RANBP2: variants seen among roughly 807,000 people sequenced by gnomAD.
RANBP2 encodes E3 SUMO-protein ligase RanBP2.
A neutral mutation model predicts 303.6 loss-of-function variants in RANBP2; 57 were observed. That is an observed-to-expected ratio of 0.19 (90% CI 0.15 to 0.23). The LOEUF (loss-of-function observed/expected upper bound fraction) is 0.23. Ranked by LOEUF, RANBP2 falls within the 10% of genes least tolerant of loss-of-function variation. The probability of loss-of-function intolerance (pLI) is 1.00; values close to 1 mark genes in which losing one functional copy is unlikely to be tolerated. For missense variants in RANBP2, 3,138 were observed against 3,780.8 expected, an observed-to-expected ratio of 0.83 and a Z score of 4.46; for synonymous variants, 1,167 against 1,301.5, an observed-to-expected ratio of 0.90 and a Z score of 2.23.
the RANBP2 span, among the ~76,000 whole-genome samples, chr2:109,392,685 A>AT: frequency 1.6e-3 from 238 of 149,292 alleles, 5 homozygotes; most frequent in South Asian, 0.042. Flanking sequence ...CGCCCGGCTA[A>AT]TTTTTTTTTT....
chr2:109,419,427 C>G, the RANBP2 span: 6 of 1,150,016 alleles, frequency 5.2e-6, no homozygotes, highest in Admixed American at 1.3e-4. Context: ...GCCAAACAGC[C>G]AGGCAGCTGG....
At chr2:109,333,461 G>A in the RANBP2 span, among the ~76,000 whole-genome samples, 1 of 152,206 alleles carries the variant, frequency 6.6e-6, no homozygotes. Flanking sequence ...CTGGACTTGA[G>A]ATCACATTTC....
chr2:109,330,564 T>C, the RANBP2 span, among the ~76,000 whole-genome samples: 1 of 152,144 alleles, frequency 6.6e-6, no homozygotes, highest in East Asian at 1.9e-4. Flanking sequence ...ACAGACAAGA[T>C]AGTCACTGTT....
the RANBP2 span, among the ~76,000 whole-genome samples, chr2:109,164,523 C>T: frequency 6.6e-6 from 1 of 152,182 alleles, no homozygotes; most frequent in East Asian, 1.9e-4. Flanking sequence ...TCGGCCAAGC[C>T]TGGCTGTTTC....
At chr2:109,026,502 C>G in the RANBP2 span, among the ~76,000 whole-genome samples, 161 of 152,136 alleles carry the variant, frequency 1.1e-3, 1 homozygote, top group African/African-American at 3.8e-3. Flanking sequence ...CCCTTGGGCC[C>G]CTCTTCCCTC....
chr2:109,686,054 C>A, the RANBP2 span, among the ~76,000 whole-genome samples: 1 of 152,142 alleles, frequency 6.6e-6, no homozygotes, highest in Non-Finnish European at 1.5e-5. Context: ...TCCTTGTCTC[C>A]CAGACTCTGG....
chr2:109,684,543 T>G, the RANBP2 span, among the ~76,000 whole-genome samples: 2 of 149,672 alleles, frequency 1.3e-5, no homozygotes, highest in African/African-American at 4.9e-5. Context: ...CCGGGCTTTT[T>G]TTTTTTTTGA....
chr2:108,854,106 AAT>A, the RANBP2 span, among the ~76,000 whole-genome samples: 1 of 134,192 alleles, frequency 7.5e-6, no homozygotes, highest in African/African-American at 2.8e-5. Context: ...ATATATAATA[AAT>A]ATATATAATA....
intron 16 of RANBP2, 42 bp from the exon 17 acceptor site, chr2:108,755,134 A>C: frequency 6.2e-7 from 1 of 1,611,948 alleles, no homozygotes; most frequent in Non-Finnish European, 8.5e-7. Flanking sequence ...TTTCTGTTCT[A>C]AGTGTTTTAA....
the RANBP2 span, among the ~76,000 whole-genome samples, chr2:109,551,903 T>C: frequency 6.6e-6 from 1 of 152,184 alleles, no homozygotes; most frequent in African/African-American, 2.4e-5. Context: ...ATTTTTTTGG[T>C]GCCAGGGCTA....
chr2:109,249,612 T>C, the RANBP2 span, among the ~76,000 whole-genome samples: 15 of 148,404 alleles, frequency 1.0e-4, no homozygotes, highest in East Asian at 2.2e-3. Context: ...TCTTTCTTTC[T>C]TTCTCTTTCT....
the RANBP2 span, among the ~76,000 whole-genome samples, chr2:109,207,029 G>T: frequency 3.3e-5 from 5 of 152,230 alleles, no homozygotes; most frequent in African/African-American, 9.6e-5. Flanking sequence ...AACCACTCAG[G>T]GCCTGAGGCA....
chr2:109,200,862 C>T, the RANBP2 span, among the ~76,000 whole-genome samples: 3,386 of 152,340 alleles, frequency 0.022, 120 homozygotes, highest in African/African-American at 0.075. Flanking sequence ...GGCCTCTCAG[C>T]CTGTCATGGG....
the RANBP2 span, among the ~76,000 whole-genome samples, chr2:109,425,561 C>G: frequency 1.3e-5 from 2 of 152,312 alleles, no homozygotes; most frequent in South Asian, 4.1e-4. Context: ...TCCGAGAACC[C>G]TAGGGCTCTT....
At chr2:109,237,958 C>T in the RANBP2 span, among the ~76,000 whole-genome samples, 26 of 152,280 alleles carry the variant, frequency 1.7e-4, 1 homozygote, top group South Asian at 5.2e-3. Flanking sequence ...TTTATGACCA[C>T]GCAATGGCTC....
chr2:109,636,284 T>C, the RANBP2 span, among the ~76,000 whole-genome samples: 2 of 152,246 alleles, frequency 1.3e-5, no homozygotes, highest in African/African-American at 4.8e-5. Context: ...CTCATGGTTT[T>C]TTTCACTGAG....
the RANBP2 span, among the ~76,000 whole-genome samples, chr2:109,457,798 C>A: frequency 3.3e-5 from 5 of 152,298 alleles, no homozygotes; most frequent in East Asian, 9.6e-4. Flanking sequence ...GGCATTAGTT[C>A]AGAAGAAAAA....
chr2:109,088,759 G>A, the RANBP2 span, among the ~76,000 whole-genome samples: 6 of 152,182 alleles, frequency 3.9e-5, no homozygotes, highest in Non-Finnish European at 8.8e-5. Context: ...TGATCCACCC[G>A]CCTTGGCCTC....
the RANBP2 span, among the ~76,000 whole-genome samples, chr2:109,019,532 C>T: frequency 6.6e-6 from 1 of 152,172 alleles, no homozygotes; most frequent in Non-Finnish European, 1.5e-5. Flanking sequence ...GTGGCTTCTC[C>T]AGGATGCCTG....
Sources: allele counts gnomAD v4.1 joint callset (sites outside exome capture counted in the v4.1 genomes callset), GRCh38; gene constraint gnomAD v4.1.1; transcripts MANE v1.5; gene names NCBI Gene and HGNC (gene_info 2026-07-23, HGNC 2026-07-21).